MMADHC: variants seen among roughly 807,000 people sequenced by gnomAD.
MMADHC encodes the protein metabolism of cobalamin associated D.
In MMADHC, 23 loss-of-function variants were observed where a neutral mutation model predicts 36.3. The observed-to-expected ratio is 0.63, with a 90% CI of 0.46 to 0.90. The LOEUF is 0.90. MMADHC is among the 40% of genes least tolerant of loss of function. The pLI, the probability that MMADHC is intolerant of heterozygous loss-of-function variation, is 0.00. For missense variants in MMADHC, 330 were observed against 348.0 expected (o/e 0.95, Z 0.41); for synonymous variants, 97 against 116.1 (o/e 0.84, Z 1.06).
At chr2:149,574,944 T>G (rs1316618043) in intron 6 of MMADHC, among the ~76,000 whole-genome samples, 1 of 152,212 alleles carries the variant, frequency 6.6e-6, no homozygotes, top group East Asian at 1.9e-4. Flanking sequence ...GGACTACAGG[T>G]GCGCACCACT....
chr2:149,579,177 G>C (rs999634955), intron 4 of MMADHC, among the ~76,000 whole-genome samples: 8 of 151,664 alleles, frequency 5.3e-5, no homozygotes, highest in East Asian at 3.9e-4. Flanking sequence ...TGTATATCTA[G>C]AGTAGTTACT....
At chr2:149,575,564 C>T in intron 6 of MMADHC, 147 bp downstream of exon 6, 1 of 568,672 alleles carries the variant, frequency 1.8e-6, no homozygotes, top group South Asian at 4.1e-5. Context: ...CTTTTACTCT[C>T]AAAAAAGATG....
intron 1 of MMADHC, chr2:149,587,388 C>A: frequency 7.7e-6 from 4 of 522,402 alleles, no homozygotes; most frequent in African/African-American, 5.7e-5. Context: ...ACAACTCGGA[C>A]CAGATCCGGG....
At chr2:149,586,598 A>G (rs773591167) in intron 2 of MMADHC, among the ~76,000 whole-genome samples, 1 of 152,360 alleles carries the variant, frequency 6.6e-6, no homozygotes, top group Non-Finnish European at 1.5e-5. Flanking sequence ...TGACCGCTAC[A>G]TATGAATTCT....
intron 6 of MMADHC, chr2:149,572,194 G>A (rs907568536): frequency 1.4e-5 from 6 of 426,634 alleles, no homozygotes; most frequent in Non-Finnish European, 2.3e-5. Flanking sequence ...ATAAAGAAGA[G>A]ATCATGAATG....
In MMADHC at chr2:149,575,377, TGGGG is replaced by T. The variant is rs1682698675; in HGVS notation, c.609+330_609+333del. ...AAGGGGATAGATTTGGAGGGGAAGA[TGGGG>T]AGATGAAGGGGGAGATGGAGAAGGA... On this transcript the variant is annotated intron_variant, in intron 6 of 7. Transcript: ENST00000303319. Among the ~76,000 whole-genome samples, 4 of 140,914 alleles carry T rather than the reference TGGGG, an allele frequency of 2.8e-5. No individual in the cohort carries two copies. In the South Asian group the frequency reaches 8.6e-4, roughly 30 times the overall value. 92.4% of individuals were successfully genotyped at this position (140,914 alleles called of 152,430 possible). A position where few individuals can be genotyped will look rare whatever the true frequency, so the allele number is the denominator to read the frequency against.
At position 149,587,252 on chromosome 2, in the gene MMADHC, G is replaced by A. The variant is rs972342541; in HGVS notation, c.-52-103C>T. 5 of 738,840 alleles carry A rather than the reference G, an allele frequency of 6.8e-6. No homozygotes were observed. In the African/African-American group the frequency reaches 8.6e-5, roughly 13 times the overall value. 45.8% of individuals were successfully genotyped at this position (738,840 alleles called of 1,614,324 possible). A position where few individuals can be genotyped will look rare whatever the true frequency, so the allele number is the denominator to read the frequency against. ...CGAAGGTGTGTCGTCCACCACGTCA[G>A]GACCAAAGTCCAAGCTCTCCCCGTA... On this transcript the variant is annotated intron_variant, in intron 1 of 7. Coordinates refer to ENST00000303319, the MANE Select transcript of MMADHC (RefSeq NM_015702.3).
chr2:149,578,192 A>C (rs1168596574), intron 4 of MMADHC, among the ~76,000 whole-genome samples: 1 of 152,214 alleles, frequency 6.6e-6, no homozygotes, highest in Non-Finnish European at 1.5e-5. Flanking sequence ...CAGGTAAGAC[A>C]AAGAGGCCTT....
chr2:149,571,004 A>C lies in MMADHC; in HGVS notation c.696+81T>G, dbSNP rs569280449. 17 of 1,167,522 alleles carry C rather than the reference A, an allele frequency of 1.5e-5. No individual in the cohort carries two copies. In the South Asian group the frequency reaches 2.1e-4, roughly 14 times the overall value. The allele number at this position is 1,167,522 out of a possible 1,614,324, so 72.3% of individuals were successfully genotyped here. On this transcript the variant is annotated intron_variant, in intron 7 of 7. Transcript: ENST00000303319. ...TGAGATTTTTAAAAAGTCTTAATCT[A>C]TTACCAAAGTTATAAACACATTTTA...
Position 149,587,228 on chromosome 2 carries a change from G to T in MMADHC, c.-52-79C>A, listed in dbSNP as rs112354240. 1.2e-3 allele frequency: 1,071 copies of T among 892,690 alleles called. 11 individuals carry two copies. In the African/African-American group the frequency reaches 0.016, roughly 13 times the overall value. The allele number at this position is 892,690 out of a possible 1,614,324, so 55.3% of individuals were successfully genotyped here. A position where few individuals can be genotyped will look rare whatever the true frequency, so the allele number is the denominator to read the frequency against. ...ACAACTGAGGTAACGTCCACTCTTC[G>T]AAGGTGTGTCGTCCACCACGTCAGG... is the stretch of plus-strand genomic sequence containing the variant. On this transcript the variant is annotated intron_variant, in intron 1 of 7. Coordinates refer to ENST00000303319, the MANE Select transcript of MMADHC (RefSeq NM_015702.3).
At chr2:149,581,643 C>G (rs1682795648) in intron 3 of MMADHC, among the ~76,000 whole-genome samples, 1 of 151,924 alleles carries the variant, frequency 6.6e-6, no homozygotes, top group African/African-American at 2.4e-5. Context: ...GGAACTACTG[C>G]TGAAAGCAAT....
At position 149,586,247 on chromosome 2, in the gene MMADHC, G is replaced by A. The variant is rs1573882116; in HGVS notation, c.9+842C>T. On this transcript the variant is annotated intron_variant, in intron 2 of 7. Transcript: ENST00000303319. ...TAAATTACTGAGTTCGGCATTCAAG[G>A]CTCTCATTTACTTGGTACCAACCTC... Among the ~76,000 whole-genome samples the A allele has an allele frequency of 2.0e-5, 3 of 152,218 alleles. No homozygotes were observed. In the South Asian group the frequency reaches 6.2e-4, roughly 32 times the overall value.
At chr2:149,579,404 G>A in intron 4 of MMADHC, 27 bp downstream of exon 4, 3 of 1,574,222 alleles carry the variant, frequency 1.9e-6, no homozygotes, top group South Asian at 2.2e-5. Context: ...AATCAGGAAA[G>A]CACAATAAAT....
At chr2:149,570,796 A>C (rs1038698336) in intron 7 of MMADHC, among the ~76,000 whole-genome samples, 12 of 152,190 alleles carry the variant, frequency 7.9e-5, no homozygotes, top group Non-Finnish European at 1.6e-4. Context: ...TTTTCAACAT[A>C]TAAAATAAAC....
chr2:149,578,621 A>T (rs902575083), intron 4 of MMADHC, among the ~76,000 whole-genome samples: 66 of 152,320 alleles, frequency 4.3e-4, no homozygotes, highest in African/African-American at 1.5e-3. Flanking sequence ...AACTTATGGG[A>T]AATGTAATTT....
Position 149,587,687 on chromosome 2 carries a change from T to G in MMADHC, c.-76A>C. The G allele has an allele frequency of 6.5e-6, 1 of 154,368 alleles. No homozygotes were observed. Among genetic ancestry groups the G allele is most frequent in the South Asian group, 1.9e-4 (1 of 5,212 alleles). The allele number at this position is 154,368 out of a possible 1,614,324, so 9.6% of individuals were successfully genotyped here. A position where few individuals can be genotyped will look rare whatever the true frequency, so the allele number is the denominator to read the frequency against. ...ACCAGTCACCACCACTGTCTCCAGC[T>G]GTCCCAGAACCGGACTCTTCCTGCC... On this transcript the variant is annotated 5_prime_UTR_variant, in exon 1 of 8. Coordinates refer to ENST00000303319, the MANE Select transcript of MMADHC (RefSeq NM_015702.3).
At chr2:149,583,163 T>C (rs1682818448) in intron 2 of MMADHC, among the ~76,000 whole-genome samples, 1 of 152,160 alleles carries the variant, frequency 6.6e-6, no homozygotes, top group Admixed American at 6.5e-5. Context: ...ACTCTCAGTT[T>C]AGTGAAAAAG....
At chr2:149,587,531 G>A (rs1437238702) in intron 1 of MMADHC, 133 bp downstream of exon 1, 1 of 235,268 alleles carries the variant, frequency 4.3e-6, no homozygotes, top group East Asian at 1.0e-4. Context: ...AAGCAGAAAA[G>A]AGACTAAAGA....
chr2:149,578,210 G>A (rs1682743917), intron 4 of MMADHC, among the ~76,000 whole-genome samples: 1 of 152,130 alleles, frequency 6.6e-6, no homozygotes, highest in Admixed American at 6.5e-5. Flanking sequence ...CTTGAACTCT[G>A]GCAAAGAATT....
Sources: allele counts gnomAD v4.1 joint callset (sites outside exome capture counted in the v4.1 genomes callset), GRCh38; gene constraint gnomAD v4.1.1; transcripts MANE v1.5; gene names NCBI Gene and HGNC (gene_info 2026-07-23, HGNC 2026-07-21).